ATXN7L1: variants seen among roughly 807,000 people sequenced by gnomAD.
The protein encoded by ATXN7L1 is ataxin-7-like protein 1.
In ATXN7L1, 15 loss-of-function variants were observed where a neutral mutation model predicts 70.8. The observed-to-expected ratio is 0.21, with a 90% CI of 0.14 to 0.33. The LOEUF is 0.33. Among genes scored for constraint, ATXN7L1 ranks in the 10% least tolerant of loss-of-function variants. ATXN7L1 has a pLI of 1.00. For synonymous variants in ATXN7L1, 440 were observed against 445.1 expected (o/e 0.99, Z 0.14); for missense variants, 975 against 1,097.1 (o/e 0.89, Z 1.57).
intron 2 of ATXN7L1, among the ~76,000 whole-genome samples, 199 bp downstream of exon 2, chr7:105,875,613 T>C (rs1819022344): frequency 8.8e-6 from 1 of 113,224 alleles, no homozygotes; most frequent in African/African-American, 2.9e-5. Flanking sequence ...CCTTCAACAG[T>C]CTCACCCCCC....
intron 3 of ATXN7L1, among the ~76,000 whole-genome samples, chr7:105,780,645 A>G (rs191170737): frequency 2.0e-5 from 3 of 152,118 alleles, no homozygotes; most frequent in East Asian, 1.9e-4. Flanking sequence ...TGAGAGGACT[A>G]GTGCCAAGTG....
At position 105,746,185 on chromosome 7, in the gene ATXN7L1, C is replaced by T. The variant is rs529218740; in HGVS notation, c.355+42419G>A. On this transcript the variant is annotated intron_variant, in intron 3 of 11. Transcript: ENST00000419735. Reference sequence around the variant, plus strand: ...GCTGATACAGGCCACCAGGACTGCTCGGCTGGACTTTTACAAGCACCTTGT... The same window carrying T: ...GCTGATACAGGCCACCAGGACTGCTTGGCTGGACTTTTACAAGCACCTTGT... 1.4e-4 allele frequency among the ~76,000 whole-genome samples: 21 copies of T among 152,310 alleles called. No individual in the cohort carries two copies. In the South Asian group the frequency reaches 2.9e-3, roughly 21 times the overall value.
rs145654155 is a variant in ATXN7L1, at chr7:105,643,233, C to T, written c.579-112G>A. On this transcript the variant is annotated intron_variant, in intron 4 of 11. Transcript: ENST00000419735. ...AACATTTCCTTATCACTTATTTATA[C>T]TCCTTCTATAAGCAAGCAGCATGAG... The T allele has an allele frequency of 1.3e-4, 167 of 1,244,810 alleles. No homozygotes were observed. The African/African-American group carries it at 2.2e-3, about 16-fold the overall frequency. 77.1% of individuals were successfully genotyped at this position (1,244,810 alleles called of 1,614,324 possible). A position where few individuals can be genotyped will look rare whatever the true frequency, so the allele number is the denominator to read the frequency against.
At chr7:105,789,504 T>C (rs1224286420) in intron 2 of ATXN7L1, among the ~76,000 whole-genome samples, 1 of 152,090 alleles carries the variant, frequency 6.6e-6, no homozygotes, top group Non-Finnish European at 1.5e-5. Context: ...CAGAGGAGAA[T>C]GCTTCCCTGA....
intron 4 of ATXN7L1, among the ~76,000 whole-genome samples, chr7:105,650,526 A>G (rs547079988): frequency 1.3e-5 from 2 of 152,362 alleles, no homozygotes; most frequent in Admixed American, 1.3e-4. Flanking sequence ...CACCTTCAGT[A>G]AACTGGGGAA....
chr7:105,792,430 G>A (rs1333222994), intron 2 of ATXN7L1, among the ~76,000 whole-genome samples: 4 of 152,220 alleles, frequency 2.6e-5, no homozygotes, highest in Non-Finnish European at 5.9e-5. Context: ...ACTTCACACG[G>A]CTGGGTGTTC....
chr7:105,638,200 T>C (rs569896299), intron 7 of ATXN7L1, among the ~76,000 whole-genome samples, 153 bp downstream of exon 7: 22 of 152,244 alleles, frequency 1.4e-4, no homozygotes, highest in East Asian at 5.8e-4. Context: ...GGGCCTCTTA[T>C]GTACATTATC....
intron 2 of ATXN7L1, among the ~76,000 whole-genome samples, chr7:105,874,033 G>A (rs772673186): frequency 4.6e-5 from 7 of 150,772 alleles, no homozygotes; most frequent in African/African-American, 1.5e-4. Flanking sequence ...GCTGAGGCAG[G>A]AGAATCGCTT....
chr7:105,636,451 C>G (rs1027600878), intron 7 of ATXN7L1, among the ~76,000 whole-genome samples: 4 of 150,330 alleles, frequency 2.7e-5, no homozygotes, highest in Non-Finnish European at 6.0e-5. Context: ...TCCTCTGCCC[C>G]CCCCACCCCC....
intron 3 of ATXN7L1, among the ~76,000 whole-genome samples, chr7:105,786,686 A>AT (rs201511652): frequency 1.6e-3 from 236 of 149,616 alleles, no homozygotes; most frequent in African/African-American, 5.5e-3. Context: ...ACCTGGCTAA[A>AT]TTTTTTTTTT....
At chr7:105,673,772 A>G in intron 3 of ATXN7L1, among the ~76,000 whole-genome samples, 1 of 152,248 alleles carries the variant, frequency 6.6e-6, no homozygotes, top group East Asian at 1.9e-4. Flanking sequence ...ATGGAGACAG[A>G]CTGCATTTGA....
At chr7:105,608,360 T>C (rs1305209469) in intron 11 of ATXN7L1, among the ~76,000 whole-genome samples, 1 of 152,224 alleles carries the variant, frequency 6.6e-6, no homozygotes, top group Non-Finnish European at 1.5e-5. Context: ...CATCTTCATC[T>C]GTAATCATCT....
chr7:105,624,213 G>A lies in ATXN7L1; in HGVS notation c.1257C>T (p.His419=). The A allele has an allele frequency of 7.9e-6, 12 of 1,515,866 alleles. No individual in the cohort carries two copies. Among genetic ancestry groups the A allele is most frequent in the Non-Finnish European group, 9.8e-6 (11 of 1,127,058 alleles). The allele number at this position is 1,515,866 out of a possible 1,614,324, so 93.9% of individuals were successfully genotyped here. A position where few individuals can be genotyped will look rare whatever the true frequency, so the allele number is the denominator to read the frequency against. The change falls in exon 8 of 12, where the codon CAC becomes CAT. Residue 419 remains histidine, a synonymous_variant. Transcript: ENST00000419735. Reference sequence around the variant, plus strand: ...CCGGTGGGAGTGGGGGCTCTGGAGTGTGGCCGCTATGATTTGAAGATGTGC... The same window carrying A: ...CCGGTGGGAGTGGGGGCTCTGGAGTATGGCCGCTATGATTTGAAGATGTGC... ...SSSTSSNHSG[H]TPEPPLPPVG... is the part of the protein sequence containing the mutation.
intron 3 of ATXN7L1, among the ~76,000 whole-genome samples, chr7:105,779,450 C>A (rs1803224171): frequency 6.6e-6 from 1 of 152,154 alleles, no homozygotes; most frequent in African/African-American, 2.4e-5. Context: ...AATATAAAAA[C>A]TTGAAGTGAA....
chr7:105,853,246 A>G (rs1300871595), intron 2 of ATXN7L1, among the ~76,000 whole-genome samples: 4 of 152,190 alleles, frequency 2.6e-5, no homozygotes, highest in African/African-American at 7.2e-5. Flanking sequence ...TATATTTTTA[A>G]AAGTTTAAAA....
intron 4 of ATXN7L1, among the ~76,000 whole-genome samples, chr7:105,646,516 C>T (rs1250236341): frequency 6.6e-6 from 1 of 152,098 alleles, no homozygotes; most frequent in African/African-American, 2.4e-5. Flanking sequence ...CTCTTGGGTT[C>T]AAGTGATTCT....
At chr7:105,618,799 C>T (rs1273283874) in intron 9 of ATXN7L1, among the ~76,000 whole-genome samples, 2 of 152,152 alleles carry the variant, frequency 1.3e-5, no homozygotes, top group East Asian at 1.9e-4. Flanking sequence ...CCCAGTGGGC[C>T]GGCCTTACAT....
intron 3 of ATXN7L1, chr7:105,788,089 A>AT (rs140782992): frequency 0.036 from 5,550 of 153,386 alleles, 310 homozygotes; most frequent in African/African-American, 0.12. Context: ...CCCACCTGGG[A>AT]TTTTTTTTAA....
intron 11 of ATXN7L1, among the ~76,000 whole-genome samples, chr7:105,609,886 C>T (rs1030768174): frequency 3.5e-5 from 5 of 141,496 alleles, no homozygotes; most frequent in Non-Finnish European, 1.6e-5. Flanking sequence ...ATTCTCCTGC[C>T]TCAGCCTCCC....
Sources: allele counts gnomAD v4.1 joint callset (sites outside exome capture counted in the v4.1 genomes callset), GRCh38; gene constraint gnomAD v4.1.1; transcripts MANE v1.5; gene names NCBI Gene and HGNC (gene_info 2026-07-23, HGNC 2026-07-21).